The following MRS2 variants were observed in gnomAD, a reference collection of about 807,000 sequenced individuals.
The protein encoded by MRS2 is magnesium transporter MRS2 homolog, mitochondrial.
A neutral mutation model predicts 52.6 loss-of-function variants in MRS2; 40 were observed. The ratio of observed to expected loss-of-function variants is 0.76; its 90% confidence interval spans 0.59 to 0.99. The LOEUF (loss-of-function observed/expected upper bound fraction) is 0.99. Ranked by LOEUF, MRS2 falls within the 50% of genes least tolerant of loss-of-function variation. MRS2 has a pLI of 0.00. For missense variants in MRS2, 472 were observed against 532.7 expected, an observed-to-expected ratio of 0.89 and a Z score of 1.12; for synonymous variants, 193 against 195.9, an observed-to-expected ratio of 0.98 and a Z score of 0.13.
At chr6:24,417,528 G>C (rs552308032) in intron 7 of MRS2, among the ~76,000 whole-genome samples, 2 of 152,226 alleles carry the variant, frequency 1.3e-5, no homozygotes, top group South Asian at 2.1e-4. Flanking sequence ...TCTTGGATTG[G>C]GGCCATGTAA....
In MRS2 at chr6:24,425,414, TAATG is replaced by T. The variant is rs1348378640; in HGVS notation, c.*1721_*1724del. The T allele has an allele frequency of 1.3e-5, 2 of 152,208 alleles. No individual in the cohort carries two copies. The highest frequency in any genetic ancestry group is 2.9e-5 in the Non-Finnish European group (2 of 68,038). 9.4% of individuals were successfully genotyped at this position (152,208 alleles called of 1,614,324 possible). A position where few individuals can be genotyped will look rare whatever the true frequency, so the allele number is the denominator to read the frequency against. The stretch of plus-strand genomic sequence containing the variant: ...TGAATCATGTCAATAAAAGGAAAAA[TAATG>T]TAACTACCTCATAAGTCTGATAAAA... On this transcript the variant is annotated 3_prime_UTR_variant, in exon 11 of 11. Transcript: ENST00000378386.
chr6:24,404,848 C>T (rs527639549), intron 1 of MRS2, among the ~76,000 whole-genome samples: 103 of 152,282 alleles, frequency 6.8e-4, no homozygotes, highest in African/African-American at 2.4e-3. Flanking sequence ...TTTCTTAAAT[C>T]TCAGAACACG....
In MRS2 at chr6:24,423,753, T is replaced by C. The variant is rs1353610757; in HGVS notation, c.*59T>C. On this transcript the variant is annotated 3_prime_UTR_variant, in exon 11 of 11. Coordinates refer to ENST00000378386, the MANE Select transcript of MRS2 (RefSeq NM_020662.4). ...GGTAGTTACAGGAAACTTCTGATAC[T>C]CTTTTTATTATTTTCTTGTATAGAG... The C allele has an allele frequency of 2.6e-6, 2 of 766,448 alleles. No homozygotes were observed. The highest frequency in any genetic ancestry group is 1.8e-5 in the African/African-American group (1 of 56,784). The allele number at this position is 766,448 out of a possible 1,614,324, so 47.5% of individuals were successfully genotyped here. A position where few individuals can be genotyped will look rare whatever the true frequency, so the allele number is the denominator to read the frequency against.
intron 9 of MRS2, among the ~76,000 whole-genome samples, chr6:24,421,841 A>T (rs1762050868): frequency 1.3e-5 from 2 of 152,186 alleles, no homozygotes; most frequent in South Asian, 2.1e-4. Context: ...TCACAAAGAA[A>T]ATCTTAGATC....
At chr6:24,403,335 C>A in intron 1 of MRS2, 99 bp downstream of exon 1, 1 of 1,217,658 alleles carries the variant, frequency 8.2e-7, no homozygotes, top group East Asian at 2.7e-5. Context: ...TTGCTCCGCG[C>A]CCTCCGCAGG....
At chr6:24,419,619 A>T (rs940014585) in intron 9 of MRS2, among the ~76,000 whole-genome samples, 7 of 152,218 alleles carry the variant, frequency 4.6e-5, no homozygotes, top group African/African-American at 1.7e-4. Flanking sequence ...GAAAAATAAC[A>T]GAATTAGGAC....
intron 1 of MRS2, among the ~76,000 whole-genome samples, chr6:24,403,881 C>G (rs1399749259): frequency 1.3e-5 from 2 of 152,082 alleles, no homozygotes; most frequent in Non-Finnish European, 2.9e-5. Context: ...TGAGTTGTTT[C>G]TGAGAACGAC....
In MRS2 at chr6:24,403,613, C is replaced by T. The variant is rs73727546; in HGVS notation, c.190+377C>T. On this transcript the variant is annotated intron_variant, in intron 1 of 10. Coordinates refer to ENST00000378386, the MANE Select transcript of MRS2 (RefSeq NM_020662.4). The stretch of plus-strand genomic sequence containing the variant: ...TTCTGTGTTGTTTTTGAGACAGGGT[C>T]TTACTATGTTGCCCAGGCTGGACTC... 5.0e-3 allele frequency among the ~76,000 whole-genome samples: 759 copies of T among 152,288 alleles called. 12 individuals carry two copies. Among genetic ancestry groups the T allele is most frequent in the African/African-American group, 0.015 (641 of 41,558 alleles).
In MRS2 at chr6:24,418,106, G is replaced by T; in HGVS notation, c.859G>T (p.Asp287Tyr). ...QVFEKSSAGI[D>Y]HAEEMELLLE... ...AAGTGAAAAGAGCAGTGCTGGGATT[G>T]ACCATGCAGAAGAGATGGAGTTGCT... The change falls in exon 8 of 11, where the codon GAC (aspartate) becomes TAC (tyrosine). Residue 287 changes from aspartate (D) to tyrosine (Y), a missense_variant. By Grantham distance (160) the Asp-to-Tyr change is radical. Coordinates refer to ENST00000378386, the MANE Select transcript of MRS2 (RefSeq NM_020662.4). 2 of 1,613,058 alleles carry T rather than the reference G, an allele frequency of 1.2e-6. No homozygotes were observed. Among genetic ancestry groups the T allele is most frequent in the South Asian group, 2.2e-5 (2 of 90,800 alleles).
Position 24,404,896 on chromosome 6 carries a change from T to C in MRS2, c.191-272T>C, listed in dbSNP as rs549943748. On this transcript the variant is annotated intron_variant, in intron 1 of 10. Coordinates refer to ENST00000378386, the MANE Select transcript of MRS2 (RefSeq NM_020662.4). ...TGTTCATCCAACTCTGAGATATCAG[T>C]AATAATTAGAAAGGTAAAAGGGTGA... Among the ~76,000 whole-genome samples the C allele has an allele frequency of 1.6e-4, 24 of 152,272 alleles. 1 individual carries two copies. Among genetic ancestry groups the C allele is most frequent in the African/African-American group, 5.8e-4 (24 of 41,560 alleles).
At chr6:24,412,993 G>C (rs554151764) in intron 5 of MRS2, among the ~76,000 whole-genome samples, 2 of 152,188 alleles carry the variant, frequency 1.3e-5, no homozygotes, top group Non-Finnish European at 2.9e-5. Flanking sequence ...ATTGGGTTGG[G>C]TGAACCTGGC....
intron 9 of MRS2, among the ~76,000 whole-genome samples, chr6:24,420,194 C>T (rs935472958): frequency 6.6e-6 from 1 of 152,194 alleles, no homozygotes; most frequent in African/African-American, 2.4e-5. Context: ...TGCTTCCACT[C>T]CTCTCCCCTC....
rs1336048987 is a variant in MRS2, at chr6:24,412,493, CT to C, written c.588+99del. ...GGGTATTGTTTCAATGGCATGTCCC[CT>C]GACCACATCCTGCCCCGAAACAAGT... On this transcript the variant is annotated intron_variant, in intron 5 of 10. Coordinates refer to ENST00000378386, the MANE Select transcript of MRS2 (RefSeq NM_020662.4). The C allele has an allele frequency of 3.4e-6, 3 of 884,120 alleles. No individual in the cohort carries two copies. The Admixed American group carries it at 8.6e-5, about 25-fold the overall frequency. The allele number at this position is 884,120 out of a possible 1,614,324, so 54.8% of individuals were successfully genotyped here.
chr6:24,412,223 A>C lies in MRS2; in HGVS notation c.416A>C (p.Tyr139Ser). 1 of 1,522,978 alleles carries C rather than the reference A, an allele frequency of 6.6e-7. No individual in the cohort carries two copies. Among genetic ancestry groups the C allele is most frequent in the South Asian group, 1.3e-5 (1 of 77,582 alleles). The allele number at this position is 1,522,978 out of a possible 1,614,324, so 94.3% of individuals were successfully genotyped here. A position where few individuals can be genotyped will look rare whatever the true frequency, so the allele number is the denominator to read the frequency against. The change falls in exon 5 of 11, where the codon TAT becomes TCT. Residue 139 changes from tyrosine (Y) to serine (S), a missense_variant and splice_region_variant. Tyr to Ser is a moderately radical substitution (Grantham distance 144, BLOSUM62 -2). Transcript: ENST00000378386. ...RNNRIIMRMEYLKAVITPECL... is the reference protein window; with the variant it reads ...RNNRIIMRMESLKAVITPECL... ...TTTTGGTTTTTTTTTTTTTAACAGT[A>C]TTTGAAAGCTGTGATAACTCCAGAG...
Position 24,424,390 on chromosome 6 carries a change from G to A in MRS2, c.*696G>A, listed in dbSNP as rs183408305. ...AGTATTTCCATTCTGTTACTGTTTTGTAGCACTTTGTCCATTTATTGATTT... is the reference window on the plus strand; with the variant it reads ...AGTATTTCCATTCTGTTACTGTTTTATAGCACTTTGTCCATTTATTGATTT... On this transcript the variant is annotated 3_prime_UTR_variant, in exon 11 of 11. Coordinates refer to ENST00000378386, the MANE Select transcript of MRS2 (RefSeq NM_020662.4). 6 of 152,192 alleles carry A rather than the reference G, an allele frequency of 3.9e-5. No individual in the cohort carries two copies. Among genetic ancestry groups the A allele is most frequent in the African/African-American group, 9.6e-5 (4 of 41,542 alleles). The allele number at this position is 152,192 out of a possible 1,614,324, so 9.4% of individuals were successfully genotyped here. A position where few individuals can be genotyped will look rare whatever the true frequency, so the allele number is the denominator to read the frequency against.
At chr6:24,407,490 G>A (rs545591172) in intron 2 of MRS2, among the ~76,000 whole-genome samples, 46 of 152,208 alleles carry the variant, frequency 3.0e-4, no homozygotes, top group African/African-American at 9.6e-4. Flanking sequence ...TGTGTCTGTC[G>A]TAGTAAGTAG....
chr6:24,405,668 G>A (rs929455992), intron 2 of MRS2, among the ~76,000 whole-genome samples: 6 of 151,392 alleles, frequency 4.0e-5, no homozygotes, highest in East Asian at 1.9e-4. Context: ...TGTATCACAC[G>A]TATTTTTAGA....
chr6:24,407,389 TTG>T (rs1761512052), intron 2 of MRS2, among the ~76,000 whole-genome samples: 1 of 152,230 alleles, frequency 6.6e-6, no homozygotes, highest in African/African-American at 2.4e-5. Flanking sequence ...TGAGTTTTTA[TTG>T]TGTGATTAAC....
rs562738169 is a variant in MRS2, at chr6:24,410,837, G to A, written c.414+1264G>A. On this transcript the variant is annotated intron_variant, in intron 4 of 10. Transcript: ENST00000378386. ...GCAAATTCAGCAGAATGATAATTGTGTAATCTAACTGGTGGGTATATGGTG... is the reference window on the plus strand; with the variant it reads ...GCAAATTCAGCAGAATGATAATTGTATAATCTAACTGGTGGGTATATGGTG... 1,218 of 1,090,558 alleles carry A rather than the reference G, an allele frequency of 1.1e-3. 3 individuals carry two copies. The highest frequency in any genetic ancestry group is 9.9e-3 in the African/African-American group (635 of 64,388). The allele number at this position is 1,090,558 out of a possible 1,614,324, so 67.6% of individuals were successfully genotyped here.
Sources: gnomAD v4.1 joint callset for allele counts (sites outside exome capture counted in the v4.1 genomes callset) on GRCh38, gnomAD v4.1.1 for gene constraint, MANE v1.5 for transcripts, NCBI Gene and HGNC (gene_info 2026-07-23, HGNC 2026-07-21) for gene names.